ERICH3: variants seen among roughly 807,000 people sequenced by gnomAD.
ERICH3 encodes glutamate-rich protein 3.
A neutral mutation model predicts 131.1 loss-of-function variants in ERICH3; 126 were observed. That is an observed-to-expected ratio of 0.96 (90% CI 0.83 to 1.11). The LOEUF (loss-of-function observed/expected upper bound fraction) is 1.11, where lower values mean the gene tolerates loss of function less well. ERICH3 is among the 50% of genes most tolerant of loss of function. The pLI, the probability that ERICH3 is intolerant of heterozygous loss-of-function variation, is 0.00. For synonymous variants in ERICH3, 695 were observed against 644.6 expected (o/e 1.08, Z -1.18); for missense variants, 2,050 against 1,810.7 (o/e 1.13, Z -2.40).
At chr1:74,653,221 GT>G (rs540307614) in intron 1 of ERICH3, among the ~76,000 whole-genome samples, 12 of 152,064 alleles carry the variant, frequency 7.9e-5, no homozygotes, top group African/African-American at 2.9e-4. Context: ...CACTATAATA[GT>G]TTTTTTAAAT....
intron 1 of ERICH3, among the ~76,000 whole-genome samples, chr1:74,663,574 A>G (rs890144051): frequency 3.3e-5 from 5 of 151,646 alleles, no homozygotes; most frequent in African/African-American, 1.2e-4. Context: ...GAAATAAAGG[A>G]AAGTCTAATG....
At chr1:74,614,301 G>C (rs1054736435) in intron 8 of ERICH3, among the ~76,000 whole-genome samples, 1 of 147,848 alleles carries the variant, frequency 6.8e-6, no homozygotes, top group African/African-American at 2.5e-5. Flanking sequence ...AAAATAATGA[G>C]TGAATTATTA....
intron 1 of ERICH3, among the ~76,000 whole-genome samples, chr1:74,668,461 T>C (rs1396589350): frequency 6.6e-6 from 1 of 152,224 alleles, no homozygotes; most frequent in Non-Finnish European, 1.5e-5. Flanking sequence ...TCAAACACTG[T>C]AGTTTCCAAT....
At chr1:74,616,041 G>A (rs1015430929) in intron 8 of ERICH3, among the ~76,000 whole-genome samples, 26 of 151,896 alleles carry the variant, frequency 1.7e-4, no homozygotes, top group African/African-American at 5.1e-4. Context: ...TTGTTCTGTC[G>A]CCCAGGCTGG....
rs759781604 is a variant in ERICH3 at position 74,606,769 on chromosome 1, T to A, written c.1321A>T (p.Lys441Ter). 6.2e-7 allele frequency: 1 copy of A among 1,613,444 alleles called. No homozygotes were observed. Among genetic ancestry groups the A allele is most frequent in the African/African-American group, 1.3e-5 (1 of 74,964 alleles). The change falls in exon 10 of 15, where the codon AAA becomes TAA. Residue 441 changes from lysine to a stop codon, truncating the protein, a stop_gained. Coordinates refer to ENST00000326665, the MANE Select transcript of ERICH3 (RefSeq NM_001002912.5). LOFTEE classifies it high-confidence loss of function. ...TTGTTCTCCTTGATCTCATTTCTTT[T>A]TGGTATCACATACTCTCTCTCTTTC... Reference protein sequence around the residue: ...VRKEREYVIPKRNEIKENKTS... With the variant: ...VRKEREYVIP
intron 7 of ERICH3, 115 bp downstream of exon 7, chr1:74,631,598 C>A: frequency 1.2e-6 from 1 of 822,438 alleles, no homozygotes; most frequent in Non-Finnish European, 1.9e-6. Flanking sequence ...TATTTCTTTA[C>A]ACACAACGTT....
chr1:74,568,310 G>C lies in ERICH3; in HGVS notation c.*2148C>G, dbSNP rs894442634. On this transcript the variant is annotated 3_prime_UTR_variant, in exon 15 of 15. Transcript: ENST00000326665. Reference sequence around the variant, plus strand: ...TTATGTTATGGGATGTTTTGATGGAGTGTGTTAAATATAAAAGTAATCCAA... The same window carrying C: ...TTATGTTATGGGATGTTTTGATGGACTGTGTTAAATATAAAAGTAATCCAA... 4 of 152,126 alleles carry C rather than the reference G, an allele frequency of 2.6e-5. No individual in the cohort carries two copies. The highest frequency in any genetic ancestry group is 9.7e-5 in the African/African-American group (4 of 41,436). The allele number at this position is 152,126 out of a possible 1,614,324, so 9.4% of individuals were successfully genotyped here.
rs986902938 is a variant in ERICH3 at position 74,662,584 on chromosome 1, A to G, written c.23+10913T>C. Among the ~76,000 whole-genome samples, 19 of 152,310 alleles carry G rather than the reference A, an allele frequency of 1.2e-4. No individual in the cohort carries two copies. The South Asian group carries it at 2.1e-3, about 17-fold the overall frequency. On this transcript the variant is annotated intron_variant, in intron 1 of 14. Coordinates refer to ENST00000326665, the MANE Select transcript of ERICH3 (RefSeq NM_001002912.5). ...TTGTTAAAAAAAAGGAAAAATCCTA[A>G]TTTGGTATGTACAGTTAGTGTTCTA...
chr1:74,582,693 AC>A (rs1647200113), intron 12 of ERICH3, among the ~76,000 whole-genome samples: 1 of 152,200 alleles, frequency 6.6e-6, no homozygotes, highest in Non-Finnish European at 1.5e-5. Context: ...AAAAGTTGAT[AC>A]TTTAATATCT....
chr1:74,649,343 C>T (rs750018567), intron 1 of ERICH3, 28 bp from the exon 2 acceptor site: 3 of 1,558,772 alleles, frequency 1.9e-6, no homozygotes, highest in African/African-American at 1.4e-5. Flanking sequence ...AACCAATAAG[C>T]TTTTACAAGG....
rs9326116 is a variant in ERICH3, at chr1:74,571,128, C to T, written c.4582G>A (p.Val1528Met). 1 allele frequency: 1,605,850 copies of T among 1,613,428 alleles called. 799,460 individuals carry two copies. The highest frequency in any genetic ancestry group is 1 in the East Asian group (44,854 of 44,856). The stretch of plus-strand genomic sequence containing the variant: ...TGCCAGCAAGTCTCCTAGACCTGCA[C>T]GTTGTTGGGGGAAACATCTGCAGTC... ...SETADVSPNN[V>M]QV The change falls in exon 14 of 15, where the codon GTG (valine) becomes ATG (methionine). Residue 1528 changes from valine to methionine, a missense_variant. Transcript: ENST00000326665.
chr1:74,572,751 C>G lies in ERICH3; in HGVS notation c.2959G>C (p.Val987Leu), dbSNP rs768455672. Residue 987 changes from valine (V) to leucine (L), a missense_variant, in exon 14 of 15, where the codon GTT becomes CTT. Coordinates refer to ENST00000326665, the MANE Select transcript of ERICH3 (RefSeq NM_001002912.5). ...CTCAAGCGTGTTTCTGTTCTCATAA[C>G]CTCTTTTCTCTCTTTGGCTGGTTCC... ...GEEPAKERKE[V>L]MRTETRLSPF... 3.1e-6 allele frequency: 5 copies of G among 1,613,962 alleles called. No individual in the cohort carries two copies. The South Asian group carries it at 5.5e-5, about 18-fold the overall frequency.
At position 74,605,512 on chromosome 1, in the gene ERICH3, A is replaced by T. The variant is rs1318848229; in HGVS notation, c.1489+1089T>A. 8.4e-4 allele frequency among the ~76,000 whole-genome samples: 126 copies of T among 149,828 alleles called. 1 individual carries two copies. The highest frequency in any genetic ancestry group is 8.2e-3 in the Admixed American group (123 of 15,066). On this transcript the variant is annotated intron_variant, in intron 10 of 14. Transcript: ENST00000326665. ...CACTAAGCCTAATCGTTTTTTTTTT[A>T]TTTAAAGTGAAAAACATGAGACTCT...
chr1:74,665,181 G>T (rs1379062080), intron 1 of ERICH3, among the ~76,000 whole-genome samples: 2 of 151,046 alleles, frequency 1.3e-5, no homozygotes, highest in East Asian at 3.9e-4. Context: ...ATGGCCATCT[G>T]CAGCCTGGGC....
intron 1 of ERICH3, among the ~76,000 whole-genome samples, chr1:74,667,590 C>T (rs1570924007): frequency 6.6e-6 from 1 of 152,276 alleles, no homozygotes; most frequent in African/African-American, 2.4e-5. Context: ...TTAAACTTTA[C>T]CTCAGGTTCT....
At chr1:74,662,602 G>T (rs1441016576) in intron 1 of ERICH3, among the ~76,000 whole-genome samples, 1 of 152,088 alleles carries the variant, frequency 6.6e-6, no homozygotes, top group Non-Finnish European at 1.5e-5. Flanking sequence ...TGTACAGTTA[G>T]TGTTCTACTC....
rs557270847 is a variant in ERICH3 at position 74,630,704 on chromosome 1, T to C, written c.819+1009A>G. 2.2e-3 allele frequency among the ~76,000 whole-genome samples: 329 copies of C among 152,076 alleles called. 3 individuals are homozygous for C. The highest frequency in any genetic ancestry group is 0.017 in the Middle Eastern group (5 of 294). On this transcript the variant is annotated intron_variant, in intron 7 of 14. Coordinates refer to ENST00000326665, the MANE Select transcript of ERICH3 (RefSeq NM_001002912.5). Reference sequence around the variant, plus strand: ...TGCTCCTTTATCTAAGGCCTGGATATGTTGAGAGACAGAGATGAGTATTAG... The same window carrying C: ...TGCTCCTTTATCTAAGGCCTGGATACGTTGAGAGACAGAGATGAGTATTAG...
chr1:74,613,344 A>G (rs1371164067), intron 8 of ERICH3, among the ~76,000 whole-genome samples: 2 of 152,156 alleles, frequency 1.3e-5, no homozygotes, highest in East Asian at 3.9e-4. Flanking sequence ...GAATTTTTCT[A>G]TTACTAGATT....
At chr1:74,673,343 C>A (rs956080661) in intron 1 of ERICH3, among the ~76,000 whole-genome samples, 154 bp downstream of exon 1, 1 of 152,062 alleles carries the variant, frequency 6.6e-6, no homozygotes, top group African/African-American at 2.4e-5. Context: ...CTGCCATCCT[C>A]GCTGCAACCC....
Sources: allele counts gnomAD v4.1 joint callset (sites outside exome capture counted in the v4.1 genomes callset), GRCh38; gene constraint gnomAD v4.1.1; transcripts MANE v1.5; gene names NCBI Gene and HGNC (gene_info 2026-07-23, HGNC 2026-07-21).